Variants in KCNT1 observed in about 807,000 individuals in gnomAD.
KCNT1 encodes potassium sodium-activated channel subfamily T member 1.
A neutral mutation model predicts 147.8 loss-of-function variants in KCNT1; 78 were observed. The ratio of observed to expected loss-of-function variants is 0.53; its 90% CI spans 0.44 to 0.64. The LOEUF (loss-of-function observed/expected upper bound fraction) is 0.64. Among genes scored for constraint, KCNT1 ranks in the 30% least tolerant of loss-of-function variants. The probability of loss-of-function intolerance (pLI) is 0.00; values close to 1 mark genes in which losing one functional copy is unlikely to be tolerated. For missense variants in KCNT1, 1,419 were observed against 1,750.3 expected (o/e 0.81, Z 3.38); for synonymous variants, 867 against 748.8 (o/e 1.16, Z -2.58).
intron 6 of KCNT1, 39 bp from the exon 7 acceptor site, chr9:135,756,834 C>T (rs766899440): frequency 6.3e-6 from 10 of 1,583,638 alleles, no homozygotes; most frequent in African/African-American, 2.7e-5. Context: ...GCCCCAGCCC[C>T]GGCCTGCTCC....
intron 6 of KCNT1, among the ~76,000 whole-genome samples, chr9:135,756,235 G>A (rs1248325272): frequency 6.6e-6 from 1 of 152,110 alleles, no homozygotes; most frequent in Non-Finnish European, 1.5e-5. Flanking sequence ...AGGCTCTACT[G>A]CTCTCCACAC....
In KCNT1 at chr9:135,785,232, G is replaced by A. The variant is rs375070829; in HGVS notation, c.3157-78G>A. 404 of 1,589,342 alleles carry A rather than the reference G, an allele frequency of 2.5e-4. 1 individual carries two copies. In the African/African-American group the frequency reaches 4.4e-3, roughly 18 times the overall value. On this transcript the variant is annotated intron_variant, in intron 27 of 30. Coordinates refer to ENST00000371757, the MANE Select transcript of KCNT1 (RefSeq NM_020822.3). ...TGCCCACCAGCCCTAAGCATGTTCC[G>A]TGCAGACCCCAGGCTGAGGCGGCGT...
intron 2 of KCNT1, among the ~76,000 whole-genome samples, chr9:135,731,960 GTATATATATATATATATA>G (rs776201547): frequency 0.019 from 785 of 41,430 alleles, 82 homozygotes; most frequent in South Asian, 0.067. Flanking sequence ...AAATATGCGT[GTATATATATATATATATA>G]TATATATATA....
rs138371302 is a variant in KCNT1 at position 135,758,458 on chromosome 9, C to T, written c.804C>T (p.Phe268=). ...TCCTGCGGACACAGTCAGCCATGTT[C>T]AACCAGGTCCTCATCCTCTTCTGCA... ...RAILRTQSAM[F]NQVLILFCTL... The change falls in exon 10 of 31, where the codon TTC becomes TTT. Residue 268 remains phenylalanine, a synonymous_variant. Transcript: ENST00000371757. 4.3e-6 allele frequency: 7 copies of T among 1,613,630 alleles called. No homozygotes were observed. Among genetic ancestry groups the T allele is most frequent in the Non-Finnish European group, 5.1e-6 (6 of 1,180,004 alleles).
chr9:135,765,047 A>T lies in KCNT1; in HGVS notation c.1052A>T (p.Tyr351Phe). ...CACCTGCAGTTCGAGGAGCTCGTCT[A>T]CCTCTGGATGGAGCGGCAGAAGTCA... ...VLPLQFEELV[Y>F]LWMERQKSGG... The change falls in exon 12 of 31, where the codon TAC becomes TTC. Residue 351 changes from tyrosine to phenylalanine, a missense_variant. Coordinates refer to ENST00000371757, the MANE Select transcript of KCNT1 (RefSeq NM_020822.3). 6.2e-7 allele frequency: 1 copy of T among 1,609,724 alleles called. No homozygotes were observed. Among genetic ancestry groups the T allele is most frequent in the Non-Finnish European group, 8.5e-7 (1 of 1,177,044 alleles).
At chr9:135,731,780 C>T (rs370860846) in intron 2 of KCNT1, among the ~76,000 whole-genome samples, 5 of 151,632 alleles carry the variant, frequency 3.3e-5, no homozygotes, top group East Asian at 3.9e-4. Flanking sequence ...TCACCCCCTT[C>T]GTAGTGACTC....
At chr9:135,766,041 AAGGGTGGACCATCC>A (rs1334013978) in intron 13 of KCNT1, among the ~76,000 whole-genome samples, 42 of 143,394 alleles carry the variant, frequency 2.9e-4, no homozygotes, top group South Asian at 2.9e-3. Context: ...GTGAACTGTC[AAGGGTGGACCATCC>A]AGGGTGGACC....
chr9:135,784,717 G>A (rs1185556808), intron 26 of KCNT1, 44 bp from the exon 27 acceptor site: 3 of 1,609,316 alleles, frequency 1.9e-6, no homozygotes, highest in South Asian at 2.2e-5. Flanking sequence ...GAGGCTCTGG[G>A]TGCTGCCACC....
intron 2 of KCNT1, among the ~76,000 whole-genome samples, chr9:135,741,942 C>G (rs555137255): frequency 1.3e-5 from 2 of 152,176 alleles, no homozygotes; most frequent in African/African-American, 2.4e-5. Flanking sequence ...CAGCCCCCGA[C>G]CAGGCCGGCC....
At chr9:135,705,302 C>T (rs1038813858) in intron 1 of KCNT1, among the ~76,000 whole-genome samples, 3 of 152,234 alleles carry the variant, frequency 2.0e-5, no homozygotes, top group Non-Finnish European at 2.9e-5. Flanking sequence ...ACTTCTGTGT[C>T]TCCCACAAAC....
chr9:135,788,834 C>T (rs367775585), intron 29 of KCNT1, among the ~76,000 whole-genome samples: 18 of 152,320 alleles, frequency 1.2e-4, no homozygotes, highest in East Asian at 9.7e-4. Flanking sequence ...CAGCAGAGTC[C>T]GGGCCAGGGT....
In KCNT1 at chr9:135,785,840, G is replaced by A. The variant is rs150273192; in HGVS notation, c.3178-357G>A. ...ACACGCAGAGGGGGTGACCTCTCAG[G>A]GCAAGGCCAGGATGTGCTGGGGTCC... On this transcript the variant is annotated intron_variant, in intron 28 of 30. Transcript: ENST00000371757. 9.3e-3 allele frequency: 4,044 copies of A among 436,574 alleles called. 25 individuals carry two copies. The highest frequency in any genetic ancestry group is 0.012 in the Non-Finnish European group (2,952 of 242,126). The allele number at this position is 436,574 out of a possible 1,614,324, so 27.0% of individuals were successfully genotyped here. A position where few individuals can be genotyped will look rare whatever the true frequency, so the allele number is the denominator to read the frequency against.
chr9:135,732,011 G>T (rs1278275015), intron 2 of KCNT1, among the ~76,000 whole-genome samples: 80 of 91,732 alleles, frequency 8.7e-4, no homozygotes, highest in Non-Finnish European at 1.2e-3. Context: ...GAGAGAGAGA[G>T]AGAGAGAGAG....
chr9:135,723,814 G>C (rs1836021342), intron 2 of KCNT1, among the ~76,000 whole-genome samples: 1 of 152,196 alleles, frequency 6.6e-6, no homozygotes, highest in African/African-American at 2.4e-5. Flanking sequence ...GGGCTTGCAG[G>C]CCTGGTGTCC....
At chr9:135,770,553 A>AC in intron 17 of KCNT1, 106 bp downstream of exon 17, 1 of 1,404,574 alleles carries the variant, frequency 7.1e-7, no homozygotes, top group Non-Finnish European at 9.6e-7. Context: ...GCGGGGCTGC[A>AC]GAGGGCTCGG....
chr9:135,787,088 G>C (rs1414346537), intron 29 of KCNT1, among the ~76,000 whole-genome samples: 1 of 152,196 alleles, frequency 6.6e-6, no homozygotes, highest in Non-Finnish European at 1.5e-5. Flanking sequence ...CAGGGTAGGG[G>C]GGAGACTTTG....
chr9:135,706,215 G>A lies in KCNT1; in HGVS notation c.110+3847G>A, dbSNP rs116554432. ...GAGCCCATGCTGACAGCACATACTTGGTGTTTACAAAGCTGTGTTGGCGTC... is the reference window on the plus strand; with the variant it reads ...GAGCCCATGCTGACAGCACATACTTAGTGTTTACAAAGCTGTGTTGGCGTC... On this transcript the variant is annotated intron_variant, in intron 1 of 30. Coordinates refer to ENST00000371757, the MANE Select transcript of KCNT1 (RefSeq NM_020822.3). 5.4e-3 allele frequency among the ~76,000 whole-genome samples: 819 copies of A among 152,308 alleles called. 7 individuals are homozygous for A. The highest frequency in any genetic ancestry group is 0.018 in the African/African-American group (767 of 41,554).
chr9:135,786,653 C>T, intron 29 of KCNT1, 132 bp downstream of exon 29: 1 of 894,056 alleles, frequency 1.1e-6, no homozygotes, highest in Non-Finnish European at 1.6e-6. Context: ...TGTCTGTCAG[C>T]CTTTCTGGCC....
At chr9:135,702,414 C>T (rs756818101) in intron 1 of KCNT1, 46 bp downstream of exon 1, 1 of 1,357,202 alleles carries the variant, frequency 7.4e-7, no homozygotes, top group Non-Finnish European at 1.0e-6. Flanking sequence ...CCCGGTCTAA[C>T]CTAAGACCCC....
Sources: allele counts gnomAD v4.1 joint callset (sites outside exome capture counted in the v4.1 genomes callset), GRCh38; gene constraint gnomAD v4.1.1; transcripts MANE v1.5; gene names NCBI Gene and HGNC (gene_info 2026-07-23, HGNC 2026-07-21).